Variants in TMEM213 observed in about 807,000 individuals in gnomAD.
The protein encoded by TMEM213 is transmembrane protein 213.
TMEM213 carries 7 observed loss-of-function variants against 11.6 expected under a neutral mutation model. The observed-to-expected ratio is 0.60, with a 90% CI of 0.34 to 1.13. TMEM213 has a LOEUF of 1.13. Ranked by LOEUF, TMEM213 falls within the 50% of genes most tolerant of loss-of-function variation. The pLI is 0.03. For missense variants in TMEM213, 129 were observed against 139.0 expected (o/e 0.93, Z 0.36); for synonymous variants, 60 against 58.3 (o/e 1.03, Z -0.13).
At chr7:138,802,038 C>T (rs377423862) in intron 2 of TMEM213, among the ~76,000 whole-genome samples, 4 of 152,004 alleles carry the variant, frequency 2.6e-5, no homozygotes, top group African/African-American at 7.2e-5. Context: ...TGGTGGCATG[C>T]GCCTGTAGTG....
rs1264050909 is a variant in TMEM213, at chr7:138,802,932, T to C, written c.187T>C (p.Cys63Arg). 1.3e-6 allele frequency: 2 copies of C among 1,599,832 alleles called. No individual in the cohort carries two copies. The highest frequency in any genetic ancestry group is 1.7e-6 in the Non-Finnish European group (2 of 1,174,512). ...CTTCTGCCCACAAGCAGCCCGGTGC[T>C]GCCGCACAGGAGTGGACGAGTACGG... is the stretch of plus-strand genomic sequence containing the variant. ...VDFCPQAARC[C>R]RTGVDEYGWI... The change falls in exon 3 of 3, where the codon TGC (cysteine) becomes CGC (arginine). Residue 63 changes from cysteine (C) to arginine (R), a missense_variant. Coordinates refer to ENST00000442682, the MANE Select transcript of TMEM213 (RefSeq NM_001085429.2).
rs1261865380 is a variant in TMEM213, at chr7:138,806,634, A to C, written c.*3565A>C. 6.6e-6 allele frequency: 1 copy of C among 152,270 alleles called. No homozygotes were observed. Among genetic ancestry groups the C allele is most frequent in the Non-Finnish European group, 1.5e-5 (1 of 68,060 alleles). The allele number at this position is 152,270 out of a possible 1,614,324, so 9.4% of individuals were successfully genotyped here. ...CCTAACTTTTGGACTTTTCATTTTA[A>C]AACTTTGCCTCTAGCAGTGGACACT... On this transcript the variant is annotated 3_prime_UTR_variant, in exon 3 of 3. Transcript: ENST00000442682.
At position 138,798,257 on chromosome 7, in the gene TMEM213, A is replaced by G. The variant is rs1473871706; in HGVS notation, c.82+71A>G. ...GAAGGAGGGAAGAGAGGTGGGAGGGAAAGAAGGAGGAGGGGGAAGATTCTT... is the reference window on the plus strand; with the variant it reads ...GAAGGAGGGAAGAGAGGTGGGAGGGGAAGAAGGAGGAGGGGGAAGATTCTT... On this transcript the variant is annotated intron_variant, in intron 1 of 2. Coordinates refer to ENST00000442682, the MANE Select transcript of TMEM213 (RefSeq NM_001085429.2). The G allele has an allele frequency of 4.3e-6, 6 of 1,411,592 alleles. No individual in the cohort carries two copies. The African/African-American group carries it at 8.6e-5, about 20-fold the overall frequency. The allele number at this position is 1,411,592 out of a possible 1,614,324, so 87.4% of individuals were successfully genotyped here. A position where few individuals can be genotyped will look rare whatever the true frequency, so the allele number is the denominator to read the frequency against.
chr7:138,800,704 CT>C (rs36090112), intron 1 of TMEM213, among the ~76,000 whole-genome samples: 1,365 of 37,522 alleles, frequency 0.036, 19 homozygotes, highest in African/African-American at 0.089. Flanking sequence ...TCTTCTTCTT[CT>C]TTTTTTTTTT....
chr7:138,799,549 A>T (rs1808860058), intron 1 of TMEM213: 1 of 152,224 alleles, frequency 6.6e-6, no homozygotes, highest in African/African-American at 2.4e-5. Flanking sequence ...AACAATTTTC[A>T]CCTATAACAA....
In TMEM213 at chr7:138,803,051, C is replaced by T. The variant is rs1252889313; in HGVS notation, c.306C>T (p.Pro102=). ...TGATGAAGCTGACTCCAGATGAGCC[C>T]AAGGACTTGCAAGCGTGAGACCCAG... ...DKLMKLTPDE[P]KDLQA is the part of the protein sequence containing the mutation. Residue 102 remains proline (P), a synonymous_variant, in exon 3 of 3, where the codon CCC becomes CCT. Transcript: ENST00000442682. 1 of 1,613,282 alleles carries T rather than the reference C, an allele frequency of 6.2e-7. No homozygotes were observed. Among genetic ancestry groups the T allele is most frequent in the African/African-American group, 1.3e-5 (1 of 74,926 alleles).
chr7:138,798,165 C>A lies in TMEM213; in HGVS notation c.61C>A (p.Leu21Ile). ...TLILSLAFASLHSACSAEASS... is the reference protein window; with the variant it reads ...TLILSLAFASIHSACSAEASS... Reference sequence around the variant, plus strand: ...GATCCTCAGCCTGGCCTTTGCCTCCCTCCACTCGGCTTGCTCGGCAGGTAG... The same window carrying A: ...GATCCTCAGCCTGGCCTTTGCCTCCATCCACTCGGCTTGCTCGGCAGGTAG... Residue 21 changes from leucine to isoleucine, a missense_variant, in exon 1 of 3, where the codon CTC becomes ATC. Leu to Ile is a conservative substitution (Grantham distance 5). Coordinates refer to ENST00000442682, the MANE Select transcript of TMEM213 (RefSeq NM_001085429.2). The A allele has an allele frequency of 6.3e-7, 1 of 1,597,802 alleles. No individual in the cohort carries two copies. The highest frequency in any genetic ancestry group is 2.3e-5 in the East Asian group (1 of 44,154).
intron 1 of TMEM213, among the ~76,000 whole-genome samples, chr7:138,800,202 T>C (rs916721182): frequency 6.6e-6 from 1 of 152,150 alleles, no homozygotes; most frequent in East Asian, 1.9e-4. Flanking sequence ...CACGCGGCAA[T>C]GGAACCCTTG....
At chr7:138,800,462 T>C (rs909459994) in intron 1 of TMEM213, among the ~76,000 whole-genome samples, 1 of 152,164 alleles carries the variant, frequency 6.6e-6, no homozygotes, top group African/African-American at 2.4e-5. Context: ...TCCTTGCTCA[T>C]GAATCAATCT....
At position 138,804,413 on chromosome 7, in the gene TMEM213, C is replaced by G. The variant is rs116304459; in HGVS notation, c.*1344C>G. The G allele has an allele frequency of 6.6e-6, 1 of 152,436 alleles. No homozygotes were observed. Among genetic ancestry groups the G allele is most frequent in the Admixed American group, 6.5e-5 (1 of 15,274 alleles). 9.4% of individuals were successfully genotyped at this position (152,436 alleles called of 1,614,324 possible). A position where few individuals can be genotyped will look rare whatever the true frequency, so the allele number is the denominator to read the frequency against. Reference sequence around the variant, plus strand: ...TGCTTCCCAACTCCACCTCCAGAATCAAGGATATTCCTCCAAGCCCAGCTC... The same window carrying G: ...TGCTTCCCAACTCCACCTCCAGAATGAAGGATATTCCTCCAAGCCCAGCTC... On this transcript the variant is annotated 3_prime_UTR_variant, in exon 3 of 3. Transcript: ENST00000442682.
rs752327844 is a variant in TMEM213 at position 138,803,647 on chromosome 7, G to A, written c.*578G>A. On this transcript the variant is annotated 3_prime_UTR_variant, in exon 3 of 3. Coordinates refer to ENST00000442682, the MANE Select transcript of TMEM213 (RefSeq NM_001085429.2). Reference sequence around the variant, plus strand: ...ACAAAAATTAGCCAGGTGTGGTGGTGCACACCTGTAATCCCAGCTACTTGG... The same window carrying A: ...ACAAAAATTAGCCAGGTGTGGTGGTACACACCTGTAATCCCAGCTACTTGG... 1.3e-5 allele frequency: 2 copies of A among 156,472 alleles called. No individual in the cohort carries two copies. The highest frequency in any genetic ancestry group is 2.8e-5 in the Non-Finnish European group (2 of 70,694). 9.7% of individuals were successfully genotyped at this position (156,472 alleles called of 1,614,324 possible).
At chr7:138,798,445 C>T (rs1808805616) in intron 1 of TMEM213, 2 of 541,298 alleles carry the variant, frequency 3.7e-6, no homozygotes. Flanking sequence ...GCAGCCACCT[C>T]TCTTGGCCTT....
At position 138,803,556 on chromosome 7, in the gene TMEM213, T is replaced by TCA. The variant is rs1283992178; in HGVS notation, c.*489_*490dup. Reference sequence around the variant, plus strand: ...ACTTTGGGAGGCAGAGGTGGGCAGATCACTCAAGGTCAGGAGTTCCAGATC... The same window carrying TCA: ...ACTTTGGGAGGCAGAGGTGGGCAGATCACACTCAAGGTCAGGAGTTCCAGATC... On this transcript the variant is annotated 3_prime_UTR_variant, in exon 3 of 3. Coordinates refer to ENST00000442682, the MANE Select transcript of TMEM213 (RefSeq NM_001085429.2). 6.1e-6 allele frequency: 1 copy of TCA among 163,654 alleles called. No homozygotes were observed. Among genetic ancestry groups the TCA allele is most frequent in the Non-Finnish European group, 1.3e-5 (1 of 74,780 alleles). The allele number at this position is 163,654 out of a possible 1,614,324, so 10.1% of individuals were successfully genotyped here. A position where few individuals can be genotyped will look rare whatever the true frequency, so the allele number is the denominator to read the frequency against.
At chr7:138,800,677 T>TTTCTTCTTCTTCTTC (rs142153597) in intron 1 of TMEM213, among the ~76,000 whole-genome samples, 1 of 128,504 alleles carries the variant, frequency 7.8e-6, no homozygotes, top group Admixed American at 8.3e-5. Context: ...GTTGCTGATG[T>TTTCTTCTTCTTCTTC]TTCTTCTTCT....
rs1809015494 is a variant in TMEM213, at chr7:138,803,465, G to A, written c.*396G>A. On this transcript the variant is annotated 3_prime_UTR_variant, in exon 3 of 3. Coordinates refer to ENST00000442682, the MANE Select transcript of TMEM213 (RefSeq NM_001085429.2). ...GCTTCTGTCCCTGGCTTGAGTCCTGGGCTTAACTGTCATTTCAGAATCTGA... is the reference window on the plus strand; with the variant it reads ...GCTTCTGTCCCTGGCTTGAGTCCTGAGCTTAACTGTCATTTCAGAATCTGA... The A allele has an allele frequency of 4.9e-6, 1 of 203,118 alleles. No individual in the cohort carries two copies. Among genetic ancestry groups the A allele is most frequent in the Non-Finnish European group, 1.0e-5 (1 of 99,592 alleles). 12.6% of individuals were successfully genotyped at this position (203,118 alleles called of 1,614,324 possible). A position where few individuals can be genotyped will look rare whatever the true frequency, so the allele number is the denominator to read the frequency against.
At position 138,802,039 on chromosome 7, in the gene TMEM213, G is replaced by A. The variant is rs140610313; in HGVS notation, c.154+641G>A. Among the ~76,000 whole-genome samples the A allele has an allele frequency of 7.8e-3, 1,194 of 152,170 alleles. 12 individuals carry two copies. The highest frequency in any genetic ancestry group is 0.027 in the African/African-American group (1,113 of 41,498). On this transcript the variant is annotated intron_variant, in intron 2 of 2. Transcript: ENST00000442682. The stretch of plus-strand genomic sequence containing the variant: ...AAATTAGCTGGATGTGGTGGCATGC[G>A]CCTGTAGTGCCAGCTACTAGGGAGG...
At position 138,803,213 on chromosome 7, in the gene TMEM213, G is replaced by A. The variant is rs1448787522; in HGVS notation, c.*144G>A. 27 of 1,145,110 alleles carry A rather than the reference G, an allele frequency of 2.4e-5. No individual in the cohort carries two copies. The South Asian group carries it at 2.6e-4, about 11-fold the overall frequency. The allele number at this position is 1,145,110 out of a possible 1,614,324, so 70.9% of individuals were successfully genotyped here. A position where few individuals can be genotyped will look rare whatever the true frequency, so the allele number is the denominator to read the frequency against. On this transcript the variant is annotated 3_prime_UTR_variant, in exon 3 of 3. Transcript: ENST00000442682. ...TTTTACAAGGGAAAGAAGAAAGAGC[G>A]GGAGAACCAAATAAGGCAAGCCAGT...
intron 2 of TMEM213, 125 bp downstream of exon 2, chr7:138,801,523 C>T (rs1441208033): frequency 2.2e-6 from 2 of 903,118 alleles, no homozygotes; most frequent in East Asian, 2.6e-5. Flanking sequence ...CCTTCCTGTG[C>T]ACCAGTGTGG....
At chr7:138,802,043 G>A (rs1207757066) in intron 2 of TMEM213, among the ~76,000 whole-genome samples, 2 of 152,132 alleles carry the variant, frequency 1.3e-5, no homozygotes, top group Non-Finnish European at 2.9e-5. Flanking sequence ...GCATGCGCCT[G>A]TAGTGCCAGC....
Sources: gnomAD v4.1 joint callset for allele counts (sites outside exome capture counted in the v4.1 genomes callset) on GRCh38, gnomAD v4.1.1 for gene constraint, MANE v1.5 for transcripts, NCBI Gene and HGNC (gene_info 2026-07-23, HGNC 2026-07-21) for gene names.